The following SEZ6L variants were observed in gnomAD, a reference collection of about 807,000 sequenced individuals.
The protein encoded by SEZ6L is seizure related 6 homolog like.
In SEZ6L, 37 loss-of-function variants were observed where a neutral mutation model predicts 106.2. That is an observed-to-expected ratio of 0.35 (90% CI 0.27 to 0.46). The LOEUF (loss-of-function observed/expected upper bound fraction) is 0.46. SEZ6L is among the 20% of genes least tolerant of loss of function. SEZ6L has a pLI of 1.00. For synonymous variants in SEZ6L, 541 were observed against 570.4 expected, an observed-to-expected ratio of 0.95 and a Z score of 0.73; for missense variants, 1,172 against 1,332.8, an observed-to-expected ratio of 0.88 and a Z score of 1.88.
intron 1 of SEZ6L, among the ~76,000 whole-genome samples, chr22:26,273,965 A>C (rs2080456137): frequency 1.3e-5 from 2 of 152,190 alleles, no homozygotes; most frequent in Non-Finnish European, 2.9e-5. Flanking sequence ...GGCGATAAGC[A>C]GACACTATTT....
intron 1 of SEZ6L, among the ~76,000 whole-genome samples, chr22:26,188,658 T>C (rs530508519): frequency 3.9e-5 from 6 of 152,322 alleles, no homozygotes; most frequent in South Asian, 4.2e-4. Flanking sequence ...TACTCCATCA[T>C]TGGTTTATGT....
intron 9 of SEZ6L, among the ~76,000 whole-genome samples, chr22:26,330,480 T>A (rs2145966291): frequency 6.6e-6 from 1 of 152,146 alleles, no homozygotes; most frequent in South Asian, 2.1e-4. Flanking sequence ...TAGCAAGGTG[T>A]TTTCTAGCAG....
chr22:26,211,486 A>G (rs1000892464), intron 1 of SEZ6L, among the ~76,000 whole-genome samples: 29 of 152,060 alleles, frequency 1.9e-4, no homozygotes, highest in African/African-American at 6.8e-4. Context: ...CCACACTGCT[A>G]CTCCATTTTA....
Position 26,275,681 on chromosome 22 carries a change from C to A in SEZ6L, c.95-16725C>A, listed in dbSNP as rs146535557. 1.5e-3 allele frequency among the ~76,000 whole-genome samples: 225 copies of A among 152,230 alleles called. 4 individuals carry two copies. The East Asian group carries it at 0.031, about 21-fold the overall frequency. ...CCATCTGTAAAATGACGGTGCTAGG[C>A]CAGCACCCCCACCTCCTAGGTGCCT... On this transcript the variant is annotated intron_variant, in intron 1 of 16. Transcript: ENST00000248933.
At chr22:26,331,623 G>A (rs2082483178) in intron 9 of SEZ6L, among the ~76,000 whole-genome samples, 1 of 152,124 alleles carries the variant, frequency 6.6e-6, no homozygotes, top group African/African-American at 2.4e-5. Context: ...TAATAACCAT[G>A]AACAAAACAC....
At position 26,380,521 on chromosome 22, in the gene SEZ6L, C is replaced by A. The variant is rs1193444840; in HGVS notation, c.*226C>A. The A allele has an allele frequency of 9.3e-6, 4 of 431,674 alleles. No individual in the cohort carries two copies. Among genetic ancestry groups the A allele is most frequent in the Non-Finnish European group, 1.7e-5 (4 of 240,920 alleles). The allele number at this position is 431,674 out of a possible 1,614,324, so 26.7% of individuals were successfully genotyped here. On this transcript the variant is annotated 3_prime_UTR_variant, in exon 17 of 17. Coordinates refer to ENST00000248933, the MANE Select transcript of SEZ6L (RefSeq NM_021115.5). ...GGCCTCAGCCAAATTCATGTTACAG[C>A]CTCAATTCTGAAGGCAGGTGGAAGA...
intron 1 of SEZ6L, among the ~76,000 whole-genome samples, chr22:26,249,660 A>G (rs2079500582): frequency 6.6e-6 from 1 of 152,152 alleles, no homozygotes; most frequent in South Asian, 2.1e-4. Flanking sequence ...TATCTCTTCA[A>G]CATACTGATG....
chr22:26,318,000 G>A (rs953037488), intron 9 of SEZ6L, among the ~76,000 whole-genome samples: 1 of 152,142 alleles, frequency 6.6e-6, no homozygotes, highest in East Asian at 1.9e-4. Flanking sequence ...GAGGGGAGGG[G>A]TCTGCGATGA....
At chr22:26,309,636 T>A (rs897360205) in intron 6 of SEZ6L, among the ~76,000 whole-genome samples, 1 of 152,192 alleles carries the variant, frequency 6.6e-6, no homozygotes, top group Non-Finnish European at 1.5e-5. Context: ...TGGAGTGCAG[T>A]GGCTCGATCT....
At chr22:26,181,306 C>T (rs541697332) in intron 1 of SEZ6L, among the ~76,000 whole-genome samples, 22 of 152,164 alleles carry the variant, frequency 1.4e-4, no homozygotes, top group Non-Finnish European at 2.8e-4. Flanking sequence ...ACTTTTCATT[C>T]CCTAAGGACT....
chr22:26,381,869 C>G lies in SEZ6L; in HGVS notation c.*1574C>G. On this transcript the variant is annotated 3_prime_UTR_variant, in exon 17 of 17. Coordinates refer to ENST00000248933, the MANE Select transcript of SEZ6L (RefSeq NM_021115.5). The stretch of plus-strand genomic sequence containing the variant: ...ACCCTCTTTGGTGCCCTCCCATTCT[C>G]TCTGGAATTGTTTCAAGTCTGCTGG... 1 of 390,160 alleles carries G rather than the reference C, an allele frequency of 2.6e-6. No homozygotes were observed. The highest frequency in any genetic ancestry group is 5.1e-6 in the Non-Finnish European group (1 of 196,984). The allele number at this position is 390,160 out of a possible 1,614,324, so 24.2% of individuals were successfully genotyped here.
intron 13 of SEZ6L, among the ~76,000 whole-genome samples, chr22:26,370,624 G>A (rs2083998132): frequency 6.6e-6 from 1 of 151,526 alleles, no homozygotes; most frequent in Non-Finnish European, 1.5e-5. Context: ...AATTTCCAGT[G>A]TCACACCTTT....
chr22:26,179,811 T>A (rs1367498806), intron 1 of SEZ6L, among the ~76,000 whole-genome samples: 1 of 152,132 alleles, frequency 6.6e-6, no homozygotes, highest in Non-Finnish European at 1.5e-5. Flanking sequence ...TCACCATAGA[T>A]CTCTCATCAC....
In SEZ6L at chr22:26,297,949, A is replaced by C. The variant is rs184294953; in HGVS notation, c.1162+869A>C. Among the ~76,000 whole-genome samples the C allele has an allele frequency of 2.0e-5, 3 of 152,026 alleles. No individual in the cohort carries two copies. The East Asian group carries it at 5.8e-4, about 29-fold the overall frequency. ...GCCTCACCCAGGAACTTTCCCTTGG[A>C]TACTTACCAACTGCTGAAACATCTG... is the stretch of plus-strand genomic sequence containing the variant. On this transcript the variant is annotated intron_variant, in intron 4 of 16. Transcript: ENST00000248933.
chr22:26,231,439 C>T (rs984019602), intron 1 of SEZ6L, among the ~76,000 whole-genome samples: 2 of 152,164 alleles, frequency 1.3e-5, no homozygotes, highest in African/African-American at 4.8e-5. Context: ...GTGTCTAGTC[C>T]TGCCTCCTAC....
At chr22:26,214,937 C>CAA (rs71804199) in intron 1 of SEZ6L, among the ~76,000 whole-genome samples, 1 of 149,228 alleles carries the variant, frequency 6.7e-6, no homozygotes, top group Non-Finnish European at 1.5e-5. Flanking sequence ...TGGCATATGA[C>CAA]AAAAAAAAAT....
intron 3 of SEZ6L, among the ~76,000 whole-genome samples, chr22:26,296,383 T>C (rs2081301361): frequency 6.6e-6 from 1 of 152,188 alleles, no homozygotes; most frequent in African/African-American, 2.4e-5. Context: ...CTTTTTTAAA[T>C]ATTTTCTGAG....
intron 1 of SEZ6L, among the ~76,000 whole-genome samples, chr22:26,211,962 G>A (rs986767760): frequency 4.6e-5 from 7 of 151,898 alleles, no homozygotes; most frequent in African/African-American, 9.7e-5. Flanking sequence ...GGAATATGGG[G>A]GCCATTCATT....
intron 1 of SEZ6L, among the ~76,000 whole-genome samples, chr22:26,215,049 G>C (rs530352906): frequency 6.6e-6 from 1 of 152,318 alleles, no homozygotes; most frequent in South Asian, 2.1e-4. Context: ...GAGGAGAACA[G>C]AATCGTTCAA....
Sources: gnomAD v4.1 joint callset for allele counts (sites outside exome capture counted in the v4.1 genomes callset) on GRCh38, gnomAD v4.1.1 for gene constraint, MANE v1.5 for transcripts, NCBI Gene and HGNC (gene_info 2026-07-23, HGNC 2026-07-21) for gene names.